Variants in LRP1B observed in about 807,000 individuals in gnomAD.
LRP1B encodes low-density lipoprotein receptor-related protein 1B.
Under a neutral mutation model 556.6 loss-of-function variants are expected in LRP1B, and 217 were observed. That is an observed-to-expected ratio of 0.39 (90% confidence interval 0.35 to 0.44). The LOEUF is 0.44. Among genes scored for constraint, LRP1B ranks in the 20% least tolerant of loss-of-function variants. The pLI, the probability that LRP1B is intolerant of heterozygous loss-of-function variation, is 1.00. For missense variants in LRP1B, 5,053 were observed against 5,620.8 expected (o/e 0.90, Z 3.23); for synonymous variants, 2,047 against 1,865.8 (o/e 1.10, Z -2.50).
intron 84 of LRP1B, among the ~76,000 whole-genome samples, chr2:140,279,266 C>G (rs1558766935): frequency 6.6e-6 from 1 of 151,964 alleles, no homozygotes; most frequent in Non-Finnish European, 1.5e-5. Flanking sequence ...ATAATCTCTT[C>G]AAGTGTCCTC....
intron 18 of LRP1B, among the ~76,000 whole-genome samples, chr2:140,970,714 CTTTTTTTTTTTTTTTTTTTTTTTT>C (rs571691521): frequency 2.4e-4 from 3 of 12,252 alleles, no homozygotes; most frequent in African/African-American, 7.0e-4. Flanking sequence ...ATTTTTTAAC[CTTTTTTTTTTTTTTTTTTTTTTTT>C]TTTTTTTTTT....
chr2:140,966,699 C>T (rs1696233468), intron 18 of LRP1B, among the ~76,000 whole-genome samples: 1 of 151,936 alleles, frequency 6.6e-6, no homozygotes, highest in Non-Finnish European at 1.5e-5. Context: ...GTCTTTAACC[C>T]CTCTTGAATT....
At chr2:140,584,458 G>T (rs901794314) in intron 43 of LRP1B, among the ~76,000 whole-genome samples, 13 of 151,764 alleles carry the variant, frequency 8.6e-5, no homozygotes, top group African/African-American at 2.9e-4. Context: ...CTTTGTAGAT[G>T]AATTTATACA....
In LRP1B at chr2:140,371,298, A is replaced by T. The variant is rs1682982505; in HGVS notation, c.10769-13T>A. On this transcript the variant is annotated splice_polypyrimidine_tract_variant and intron_variant, in intron 69 of 90. Transcript: ENST00000389484. Reference sequence around the variant, plus strand: ...CAAGTAGGAGAAGCTGAATACAATTATAAATTTGAAATTGAGATAGAGTAA... The same window carrying T: ...CAAGTAGGAGAAGCTGAATACAATTTTAAATTTGAAATTGAGATAGAGTAA... 6.9e-7 allele frequency: 1 copy of T among 1,445,030 alleles called. No individual in the cohort carries two copies. The highest frequency in any genetic ancestry group is 9.4e-7 in the Non-Finnish European group (1 of 1,059,026). The allele number at this position is 1,445,030 out of a possible 1,614,324, so 89.5% of individuals were successfully genotyped here.
At chr2:140,336,114 G>A (rs138108884) in intron 77 of LRP1B, among the ~76,000 whole-genome samples, 68 of 151,988 alleles carry the variant, frequency 4.5e-4, no homozygotes, top group African/African-American at 1.5e-3. Context: ...AGGTTCACCC[G>A]TGACTTCCTG....
intron 2 of LRP1B, among the ~76,000 whole-genome samples, chr2:141,493,584 G>A (rs191440207): frequency 1.2e-4 from 18 of 152,204 alleles, no homozygotes; most frequent in Non-Finnish European, 1.8e-4. Flanking sequence ...TCAAGAGCTG[G>A]CAAATGAGAG....
At chr2:141,807,114 A>C (rs1276786293) in intron 2 of LRP1B, among the ~76,000 whole-genome samples, 2 of 152,104 alleles carry the variant, frequency 1.3e-5, no homozygotes, top group Non-Finnish European at 2.9e-5. Context: ...ATACATTCAT[A>C]TAAAATTATG....
At chr2:141,384,890 A>G (rs1689771903) in intron 3 of LRP1B, among the ~76,000 whole-genome samples, 1 of 151,792 alleles carries the variant, frequency 6.6e-6, no homozygotes, top group South Asian at 2.1e-4. Flanking sequence ...ATCCCTTCCT[A>G]CCTCTCCCAT....
intron 86 of LRP1B, among the ~76,000 whole-genome samples, chr2:140,251,434 A>G (rs1254109306): frequency 6.6e-6 from 1 of 151,912 alleles, no homozygotes; most frequent in African/African-American, 2.4e-5. Flanking sequence ...GTCATTTTGC[A>G]GAAATGTGGT....
intron 2 of LRP1B, among the ~76,000 whole-genome samples, chr2:141,581,586 T>G (rs1178059011): frequency 6.6e-6 from 1 of 152,136 alleles, no homozygotes; most frequent in Non-Finnish European, 1.5e-5. Context: ...ACATGAATAT[T>G]TCTTTAAAAA....
intron 3 of LRP1B, among the ~76,000 whole-genome samples, chr2:141,259,500 C>T (rs1684607319): frequency 6.6e-6 from 1 of 152,168 alleles, no homozygotes; most frequent in African/African-American, 2.4e-5. Context: ...CTGATGCTTA[C>T]AGCATCCTGA....
chr2:140,864,788 T>C (rs73964721), intron 27 of LRP1B, among the ~76,000 whole-genome samples: 8,234 of 152,132 alleles, frequency 0.054, 231 homozygotes, highest in East Asian at 0.1. Flanking sequence ...TAAATGGTGA[T>C]TAAACTCAAC....
At chr2:141,909,415 C>T (rs1699843454) in intron 1 of LRP1B, among the ~76,000 whole-genome samples, 1 of 151,822 alleles carries the variant, frequency 6.6e-6, no homozygotes, top group African/African-American at 2.4e-5. Context: ...TTACTCATTC[C>T]CATCAAGTGT....
At chr2:141,919,449 AG>A (rs1386226013) in intron 1 of LRP1B, among the ~76,000 whole-genome samples, 6 of 152,072 alleles carry the variant, frequency 3.9e-5, no homozygotes, top group African/African-American at 7.2e-5. Flanking sequence ...TGGAGAAAAA[AG>A]TTTATACATA....
At chr2:140,822,786 C>T (rs1023016384) in intron 31 of LRP1B, among the ~76,000 whole-genome samples, 1 of 152,100 alleles carries the variant, frequency 6.6e-6, no homozygotes, top group Admixed American at 6.5e-5. Flanking sequence ...TGAAATCAGC[C>T]TCTCTGGGCA....
At chr2:141,028,735 C>T (rs1698285697) in intron 11 of LRP1B, among the ~76,000 whole-genome samples, 2 of 152,012 alleles carry the variant, frequency 1.3e-5, no homozygotes, top group Admixed American at 1.3e-4. Flanking sequence ...AAAGTAATGA[C>T]AACTAAATTA....
chr2:141,452,186 A>T lies in LRP1B; in HGVS notation c.343+28210T>A, dbSNP rs963225133. On this transcript the variant is annotated intron_variant, in intron 3 of 90. Transcript: ENST00000389484. ...CACAATTTGAACTAAGGAGGCTGGA[A>T]AAAAAAAGAGATAAGAGGTGTAGAG... Among the ~76,000 whole-genome samples, 17 of 151,994 alleles carry T rather than the reference A, an allele frequency of 1.1e-4. 1 individual carries two copies. The South Asian group carries it at 2.5e-3, about 22-fold the overall frequency.
At chr2:140,905,907 T>G (rs185462216) in intron 22 of LRP1B, among the ~76,000 whole-genome samples, 33 of 152,292 alleles carry the variant, frequency 2.2e-4, no homozygotes, top group Admixed American at 7.2e-4. Flanking sequence ...TTTCGTTTGT[T>G]TCTTAAGTGC....
intron 3 of LRP1B, among the ~76,000 whole-genome samples, chr2:141,309,903 T>C (rs1207277840): frequency 6.6e-6 from 1 of 152,124 alleles, no homozygotes; most frequent in Non-Finnish European, 1.5e-5. Context: ...AAAAGAAAGA[T>C]AAGTGTTCCT....
Sources: allele counts gnomAD v4.1 joint callset (sites outside exome capture counted in the v4.1 genomes callset), GRCh38; gene constraint gnomAD v4.1.1; transcripts MANE v1.5; gene names NCBI Gene and HGNC (gene_info 2026-07-23, HGNC 2026-07-21).